DCLK2: variants seen among roughly 807,000 people sequenced by gnomAD.
The protein encoded by DCLK2 is doublecortin like kinase 2, also known as serine/threonine-protein kinase DCLK2.
Under a neutral mutation model 78.4 loss-of-function variants are expected in DCLK2, and 31 were observed. That is an observed-to-expected ratio of 0.40 (90% CI 0.30 to 0.53). The LOEUF (loss-of-function observed/expected upper bound fraction) is 0.53, where lower values mean the gene tolerates loss of function less well. Among genes scored for constraint, DCLK2 ranks in the 20% least tolerant of loss-of-function variants. The probability of loss-of-function intolerance (pLI) is 0.61; values close to 1 mark genes in which losing one functional copy is unlikely to be tolerated. For missense variants in DCLK2, 872 were observed against 973.7 expected, an observed-to-expected ratio of 0.90 and a Z score of 1.39; for synonymous variants, 407 against 374.9, an observed-to-expected ratio of 1.09 and a Z score of -0.99.
At chr4:150,081,357 C>T (rs1729252832) in intron 1 of DCLK2, among the ~76,000 whole-genome samples, 1 of 152,200 alleles carries the variant, frequency 6.6e-6, no homozygotes, top group Non-Finnish European at 1.5e-5. Flanking sequence ...TCCACTGGGT[C>T]TACTTCTGCA....
chr4:150,175,138 A>ATATATT (rs1736942998), intron 2 of DCLK2, among the ~76,000 whole-genome samples: 1 of 119,644 alleles, frequency 8.4e-6, no homozygotes, highest in African/African-American at 3.9e-5. Flanking sequence ...TATATAATTT[A>ATATATT]TGTATATTTT....
At chr4:150,232,157 G>T (rs1306168644) in intron 8 of DCLK2, among the ~76,000 whole-genome samples, 180 bp from the exon 9 acceptor site, 1 of 152,194 alleles carries the variant, frequency 6.6e-6, no homozygotes, top group Non-Finnish European at 1.5e-5. Context: ...TCAATAATAT[G>T]TTCACACTGA....
intron 2 of DCLK2, among the ~76,000 whole-genome samples, chr4:150,170,679 G>A (rs1056001100): frequency 6.6e-6 from 1 of 152,102 alleles, no homozygotes; most frequent in African/African-American, 2.4e-5. Context: ...TCCCCTAGGG[G>A]GAAATTGGAA....
intron 8 of DCLK2, among the ~76,000 whole-genome samples, chr4:150,232,062 C>T (rs1478048054): frequency 2.6e-5 from 4 of 152,098 alleles, no homozygotes; most frequent in Non-Finnish European, 4.4e-5. Context: ...TAATGACAAG[C>T]GAGAAGACAG....
chr4:150,116,682 T>A (rs1419671854), intron 2 of DCLK2, among the ~76,000 whole-genome samples: 1 of 152,166 alleles, frequency 6.6e-6, no homozygotes, highest in Admixed American at 6.5e-5. Context: ...ACTCTAAGAT[T>A]CCTTGGTTAT....
intron 2 of DCLK2, among the ~76,000 whole-genome samples, chr4:150,156,154 G>A (rs1006358528): frequency 2.6e-5 from 4 of 152,142 alleles, no homozygotes; most frequent in East Asian, 1.9e-4. Context: ...GAACCTCTGC[G>A]AAGGATGATG....
At chr4:150,191,956 T>A (rs1251314644) in intron 2 of DCLK2, among the ~76,000 whole-genome samples, 1 of 152,176 alleles carries the variant, frequency 6.6e-6, no homozygotes, top group Non-Finnish European at 1.5e-5. Flanking sequence ...ACTAGAGTGT[T>A]GTTTGTTTTT....
chr4:150,165,306 T>A (rs541987103), intron 2 of DCLK2, among the ~76,000 whole-genome samples: 59 of 152,352 alleles, frequency 3.9e-4, no homozygotes, highest in African/African-American at 1.4e-3. Flanking sequence ...TCTATAGATC[T>A]GGCAGCTGTT....
chr4:150,111,373 G>T (rs1731682235), intron 2 of DCLK2, among the ~76,000 whole-genome samples: 1 of 151,964 alleles, frequency 6.6e-6, no homozygotes, highest in South Asian at 2.1e-4. Flanking sequence ...GTAGATTCTG[G>T]GTATTGGTCC....
intron 2 of DCLK2, among the ~76,000 whole-genome samples, chr4:150,191,961 GT>G (rs1273013391): frequency 1.3e-5 from 2 of 152,094 alleles, no homozygotes; most frequent in Admixed American, 6.6e-5. Context: ...AGTGTTGTTT[GT>G]TTTTTCCTAA....
intron 2 of DCLK2, among the ~76,000 whole-genome samples, chr4:150,144,638 G>C (rs1580590007): frequency 6.6e-6 from 1 of 152,106 alleles, no homozygotes; most frequent in Admixed American, 6.6e-5. Flanking sequence ...CCAGGCTGGA[G>C]TGCAGTGGCA....
At chr4:150,175,805 C>G (rs1343110212) in intron 2 of DCLK2, among the ~76,000 whole-genome samples, 5 of 152,172 alleles carry the variant, frequency 3.3e-5, no homozygotes, top group Non-Finnish European at 1.5e-5. Context: ...TGTCTTCATG[C>G]TTTAGTAAGG....
intron 2 of DCLK2, among the ~76,000 whole-genome samples, chr4:150,172,408 C>G (rs1011048191): frequency 1.3e-5 from 2 of 151,792 alleles, no homozygotes; most frequent in Non-Finnish European, 2.9e-5. Context: ...TTGAGACCAT[C>G]CTGGCTAACA....
chr4:150,172,728 C>T (rs952144345), intron 2 of DCLK2, among the ~76,000 whole-genome samples: 7 of 143,328 alleles, frequency 4.9e-5, no homozygotes, highest in African/African-American at 1.5e-4. Flanking sequence ...ACATGCAGTT[C>T]TCCTCACTCT....
At chr4:150,204,891 C>CA (rs780635685) in intron 5 of DCLK2, among the ~76,000 whole-genome samples, 3,936 of 125,930 alleles carry the variant, frequency 0.031, 68 homozygotes, top group Non-Finnish European at 0.046. Context: ...GACTGTGCCT[C>CA]AAAAAAAAAA....
At chr4:150,088,405 T>C (rs576831334) in intron 1 of DCLK2, among the ~76,000 whole-genome samples, 2 of 151,918 alleles carry the variant, frequency 1.3e-5, no homozygotes, top group Non-Finnish European at 2.9e-5. Flanking sequence ...CTTTTTTTTT[T>C]TCGTATATAT....
chr4:150,083,152 C>T (rs1021699449), intron 1 of DCLK2, among the ~76,000 whole-genome samples: 3 of 152,170 alleles, frequency 2.0e-5, no homozygotes, highest in Non-Finnish European at 4.4e-5. Flanking sequence ...CTAGCCAGAA[C>T]CCATCTTCCA....
At chr4:150,253,030 G>C (rs1419071792) in intron 15 of DCLK2, among the ~76,000 whole-genome samples, 2 of 152,132 alleles carry the variant, frequency 1.3e-5, no homozygotes, top group Non-Finnish European at 2.9e-5. Context: ...ACCTGGTCTG[G>C]GGCATGGTTG....
At chr4:150,141,522 T>G (rs1289207850) in intron 2 of DCLK2, among the ~76,000 whole-genome samples, 1 of 152,206 alleles carries the variant, frequency 6.6e-6, no homozygotes, top group East Asian at 1.9e-4. Context: ...TGGGTAGGGC[T>G]TTGTTAGTTT....
Sources: allele counts gnomAD v4.1 joint callset (sites outside exome capture counted in the v4.1 genomes callset), GRCh38; gene constraint gnomAD v4.1.1; transcripts MANE v1.5; gene names NCBI Gene and HGNC (gene_info 2026-07-23, HGNC 2026-07-21).